Variants in LRRC4C observed in about 807,000 individuals in gnomAD.
LRRC4C encodes the protein leucine-rich repeat-containing protein 4C.
A neutral mutation model predicts 33.6 loss-of-function variants in LRRC4C; 5 were observed. That is an observed-to-expected ratio of 0.15 (90% CI 0.08 to 0.31). The LOEUF (loss-of-function observed/expected upper bound fraction) is 0.31, where lower values mean the gene tolerates loss of function less well. Ranked by LOEUF, LRRC4C falls within the 10% of genes least tolerant of loss-of-function variation. The probability of loss-of-function intolerance (pLI) is 1.00; values close to 1 mark genes in which losing one functional copy is unlikely to be tolerated. For synonymous variants in LRRC4C, 329 were observed against 302.0 expected (o/e 1.09, Z -0.93); for missense variants, 560 against 796.7 (o/e 0.70, Z 3.58).
chr11:40,160,531 C>T (rs537842153), intron 5 of LRRC4C, among the ~76,000 whole-genome samples: 4 of 152,120 alleles, frequency 2.6e-5, no homozygotes, highest in African/African-American at 9.7e-5. Context: ...TGTACAAGAG[C>T]ATTGCCTGCA....
chr11:40,378,546 A>T (rs1487561202), intron 3 of LRRC4C, among the ~76,000 whole-genome samples: 2 of 152,036 alleles, frequency 1.3e-5, no homozygotes, highest in East Asian at 3.8e-4. Flanking sequence ...ATGGATGGGT[A>T]AACTTTAAAA....
At chr11:41,432,804 T>A (rs1158897702) in intron 1 of LRRC4C, among the ~76,000 whole-genome samples, 2 of 152,162 alleles carry the variant, frequency 1.3e-5, no homozygotes, top group East Asian at 3.9e-4. Context: ...GCTGGCATCA[T>A]TTTTCCCCCC....
intron 2 of LRRC4C, among the ~76,000 whole-genome samples, chr11:40,705,632 G>C (rs1016371746): frequency 6.6e-6 from 1 of 151,938 alleles, no homozygotes; most frequent in Admixed American, 6.6e-5. Context: ...TTGGTTCCAA[G>C]TCTTTGCTAT....
intron 1 of LRRC4C, among the ~76,000 whole-genome samples, chr11:41,154,636 A>G (rs1251088411): frequency 3.9e-5 from 6 of 152,166 alleles, no homozygotes; most frequent in Non-Finnish European, 5.9e-5. Context: ...GGCAATGTTA[A>G]TGACATTCTG....
intron 5 of LRRC4C, among the ~76,000 whole-genome samples, chr11:40,195,620 C>T (rs1262606210): frequency 6.6e-6 from 1 of 151,644 alleles, no homozygotes; most frequent in East Asian, 1.9e-4. Flanking sequence ...ATCACCTCTT[C>T]ATGGGTATTT....
chr11:41,355,860 G>T (rs1166458885), intron 1 of LRRC4C, among the ~76,000 whole-genome samples: 1 of 151,858 alleles, frequency 6.6e-6, no homozygotes, highest in Non-Finnish European at 1.5e-5. Context: ...CTTCTACTAA[G>T]GAGAATGTGA....
At chr11:41,352,074 G>A (rs1232591896) in intron 1 of LRRC4C, among the ~76,000 whole-genome samples, 1 of 152,176 alleles carries the variant, frequency 6.6e-6, no homozygotes, top group Non-Finnish European at 1.5e-5. Context: ...AGAGTGACAA[G>A]TTGGATAAAG....
At chr11:41,180,225 T>C (rs1340128002) in intron 1 of LRRC4C, among the ~76,000 whole-genome samples, 1 of 151,930 alleles carries the variant, frequency 6.6e-6, no homozygotes, top group African/African-American at 2.4e-5. Context: ...GAGCAGAAAA[T>C]AAACTCAGAA....
chr11:40,234,400 T>C (rs1473534405), intron 5 of LRRC4C, among the ~76,000 whole-genome samples: 2 of 152,114 alleles, frequency 1.3e-5, no homozygotes, highest in Non-Finnish European at 1.5e-5. Flanking sequence ...CTGACTGAGC[T>C]CTTAATTACA....
chr11:40,555,681 GA>G (rs1379261601), intron 3 of LRRC4C, among the ~76,000 whole-genome samples: 1 of 152,050 alleles, frequency 6.6e-6, no homozygotes, highest in Non-Finnish European at 1.5e-5. Context: ...TAACACTAAC[GA>G]TAGCTGATGA....
At chr11:40,909,889 C>G (rs952655134) in intron 2 of LRRC4C, among the ~76,000 whole-genome samples, 1 of 152,172 alleles carries the variant, frequency 6.6e-6, no homozygotes, top group Non-Finnish European at 1.5e-5. Context: ...TTGAATATGA[C>G]AAGCCACACT....
intron 2 of LRRC4C, among the ~76,000 whole-genome samples, chr11:40,733,902 T>C (rs1156285595): frequency 6.6e-6 from 1 of 152,088 alleles, no homozygotes; most frequent in Admixed American, 6.6e-5. Flanking sequence ...TCCTTAAATT[T>C]TGAGAAAAGT....
chr11:41,278,876 A>G (rs1591139225), intron 1 of LRRC4C, among the ~76,000 whole-genome samples: 1 of 152,138 alleles, frequency 6.6e-6, no homozygotes, highest in East Asian at 1.9e-4. Context: ...GTTTTGTTGC[A>G]TGGGTAAATT....
chr11:40,128,169 A>G (rs1367652199), intron 6 of LRRC4C, among the ~76,000 whole-genome samples: 2 of 152,198 alleles, frequency 1.3e-5, no homozygotes, highest in East Asian at 1.9e-4. Context: ...ATAACAATAC[A>G]ATAAATAGAC....
At chr11:40,733,859 C>T (rs757091187) in intron 2 of LRRC4C, among the ~76,000 whole-genome samples, 1 of 152,062 alleles carries the variant, frequency 6.6e-6, no homozygotes, top group Non-Finnish European at 1.5e-5. Context: ...TGGTAAAATC[C>T]ACTCTTCTTG....
At chr11:40,554,219 T>C (rs1449663621) in intron 3 of LRRC4C, among the ~76,000 whole-genome samples, 1 of 152,140 alleles carries the variant, frequency 6.6e-6, no homozygotes, top group Admixed American at 6.5e-5. Flanking sequence ...TGTTTATTTT[T>C]ATGTACTTTG....
chr11:40,198,570 C>T (rs1339104354), intron 5 of LRRC4C, among the ~76,000 whole-genome samples: 1 of 152,176 alleles, frequency 6.6e-6, no homozygotes, highest in Non-Finnish European at 1.5e-5. Context: ...TCCAGAAAGT[C>T]CATTTTGAAG....
intron 2 of LRRC4C, among the ~76,000 whole-genome samples, chr11:40,651,790 C>T (rs988196234): frequency 1.3e-5 from 2 of 152,176 alleles, no homozygotes; most frequent in Non-Finnish European, 2.9e-5. Context: ...GTTCATTTGA[C>T]TTCCTTCTCC....
chr11:40,999,240 A>G (rs896485253), intron 1 of LRRC4C, among the ~76,000 whole-genome samples: 2 of 151,952 alleles, frequency 1.3e-5, no homozygotes, highest in Non-Finnish European at 2.9e-5. Flanking sequence ...TTCCCTGCAC[A>G]CCTCGCTCAC....
Sources: gnomAD v4.1 joint callset for allele counts (sites outside exome capture counted in the v4.1 genomes callset) on GRCh38, gnomAD v4.1.1 for gene constraint, MANE v1.5 for transcripts, NCBI Gene and HGNC (gene_info 2026-07-23, HGNC 2026-07-21) for gene names.